The following SLC22A4 variants were observed in gnomAD, a reference collection of about 807,000 sequenced individuals.
The protein encoded by SLC22A4 is solute carrier family 22 member 4.
A neutral mutation model predicts 56.6 loss-of-function variants in SLC22A4; 39 were observed. The observed-to-expected ratio is 0.69, with a 90% CI of 0.53 to 0.90. SLC22A4 has a LOEUF of 0.90. Ranked by LOEUF, SLC22A4 falls within the 40% of genes least tolerant of loss-of-function variation. The pLI is 0.00. For missense variants in SLC22A4, 594 were observed against 696.5 expected (o/e 0.85, Z 1.66); for synonymous variants, 241 against 281.4 (o/e 0.86, Z 1.44).
intron 4 of SLC22A4, chr5:132,324,411 GGGA>G (rs1216711110): frequency 6.9e-6 from 3 of 434,086 alleles, no homozygotes; most frequent in Non-Finnish European, 1.4e-5. Context: ...CCATCCCACA[GGGA>G]GCCTGCTCAC....
At chr5:132,341,659 A>T (rs1280028050) in intron 9 of SLC22A4, among the ~76,000 whole-genome samples, 2 of 152,144 alleles carry the variant, frequency 1.3e-5, no homozygotes, top group Non-Finnish European at 2.9e-5. Flanking sequence ...TCTTTAAAAA[A>T]TGCATTGGCT....
At chr5:132,319,301 CAAAAAAAA>C (rs55756450) in intron 3 of SLC22A4, among the ~76,000 whole-genome samples, 2 of 85,526 alleles carry the variant, frequency 2.3e-5, no homozygotes, top group Non-Finnish European at 5.4e-5. Flanking sequence ...AAGTCTGTCT[CAAAAAAAA>C]AAAAAAAAAG....
chr5:132,327,626 G>A (rs1009828508), intron 5 of SLC22A4, among the ~76,000 whole-genome samples: 50 of 152,166 alleles, frequency 3.3e-4, no homozygotes, highest in Non-Finnish European at 4.1e-4. Context: ...AATAGCAAGC[G>A]TTCATTAAAT....
chr5:132,298,693 C>G (rs371041543), intron 1 of SLC22A4, among the ~76,000 whole-genome samples: 1 of 152,194 alleles, frequency 6.6e-6, no homozygotes, highest in Non-Finnish European at 1.5e-5. Context: ...AGATAATGCC[C>G]CATGCCCCAT....
At chr5:132,321,587 A>G (rs1750539324) in intron 3 of SLC22A4, among the ~76,000 whole-genome samples, 1 of 152,186 alleles carries the variant, frequency 6.6e-6, no homozygotes, top group African/African-American at 2.4e-5. Flanking sequence ...GGGGCTGGGC[A>G]TGATATTTTT....
intron 9 of SLC22A4, among the ~76,000 whole-genome samples, chr5:132,342,313 C>G (rs1751243734): frequency 2.0e-5 from 3 of 152,162 alleles, no homozygotes; most frequent in South Asian, 2.1e-4. Flanking sequence ...CAAGAACAGA[C>G]AGTTTACAGA....
intron 1 of SLC22A4, among the ~76,000 whole-genome samples, chr5:132,301,884 G>A (rs1038856785): frequency 1.3e-5 from 2 of 152,226 alleles, no homozygotes; most frequent in African/African-American, 4.8e-5. Context: ...AGACTGTCAA[G>A]ATAGCCTGAA....
At position 132,335,955 on chromosome 5, in the gene SLC22A4, G is replaced by A; in HGVS notation, c.1399G>A (p.Ala467Thr). 1 of 1,614,128 alleles carries A rather than the reference G, an allele frequency of 6.2e-7. No homozygotes were observed. The highest frequency in any genetic ancestry group is 8.5e-7 in the Non-Finnish European group (1 of 1,180,014). Reference sequence around the variant, plus strand: ...CATGGCGGTGGGGGTCACATCCACGGCCTCCAGAGTGGGCAGCATCATTGC... The same window carrying A: ...CATGGCGGTGGGGGTCACATCCACGACCTCCAGAGTGGGCAGCATCATTGC... Reference protein sequence around the residue: ...RNMAVGVTSTASRVGSIIAPY... With the variant: ...RNMAVGVTSTTSRVGSIIAPY... The change falls in exon 8 of 10, where the codon GCC (alanine) becomes ACC (threonine). Residue 467 changes from alanine to threonine, a missense_variant. By Grantham distance (58) the Ala-to-Thr change is moderately conservative. Coordinates refer to ENST00000200652, the MANE Select transcript of SLC22A4 (RefSeq NM_003059.3).
chr5:132,336,710 T>A (rs1364608267), intron 8 of SLC22A4, among the ~76,000 whole-genome samples: 1 of 152,190 alleles, frequency 6.6e-6, no homozygotes, highest in East Asian at 1.9e-4. Flanking sequence ...TTAAAATAAG[T>A]ATATGTAAGT....
At chr5:132,319,417 G>A (rs887837434) in intron 3 of SLC22A4, among the ~76,000 whole-genome samples, 1 of 152,006 alleles carries the variant, frequency 6.6e-6, no homozygotes, top group Non-Finnish European at 1.5e-5. Context: ...TGCTTTATAA[G>A]GCCAAGTCAT....
chr5:132,314,627 T>C (rs1285446301), intron 3 of SLC22A4, among the ~76,000 whole-genome samples: 1 of 152,208 alleles, frequency 6.6e-6, no homozygotes, highest in Non-Finnish European at 1.5e-5. Context: ...TCATTATTAA[T>C]AATACTCCTT....
chr5:132,312,288 G>T, intron 2 of SLC22A4, 24 bp downstream of exon 2: 1 of 1,369,834 alleles, frequency 7.3e-7, no homozygotes, highest in Non-Finnish European at 1.0e-6. Flanking sequence ...AGGGGAGGAA[G>T]GTGGGATGGT....
At chr5:132,315,880 G>A (rs985691278) in intron 3 of SLC22A4, among the ~76,000 whole-genome samples, 3 of 152,160 alleles carry the variant, frequency 2.0e-5, no homozygotes, top group Non-Finnish European at 4.4e-5. Context: ...GGGTTCTCAG[G>A]TCTGAAAGTT....
At chr5:132,297,448 A>G (rs531627862) in intron 1 of SLC22A4, among the ~76,000 whole-genome samples, 22 of 152,320 alleles carry the variant, frequency 1.4e-4, no homozygotes, top group Middle Eastern at 3.4e-3. Flanking sequence ...GGCAGCACAC[A>G]GAGTTCTGGA....
chr5:132,301,505 C>A (rs573098842), intron 1 of SLC22A4, among the ~76,000 whole-genome samples: 18 of 152,320 alleles, frequency 1.2e-4, no homozygotes, highest in African/African-American at 4.1e-4. Context: ...AGGGCCTGGA[C>A]CTCTGGTGGC....
chr5:132,335,443 T>C (rs4646200), intron 7 of SLC22A4, among the ~76,000 whole-genome samples: 11,684 of 152,270 alleles, frequency 0.077, 574 homozygotes, highest in East Asian at 0.27. Flanking sequence ...GTAATAGAAA[T>C]ACATATTTCT....
chr5:132,328,233 T>C (rs953769021), intron 5 of SLC22A4, among the ~76,000 whole-genome samples: 30 of 152,202 alleles, frequency 2.0e-4, no homozygotes, highest in Middle Eastern at 3.4e-3. Context: ...GTGGAGAGGA[T>C]GGGGCAGGGC....
chr5:132,295,303 G>T (rs1445820016), intron 1 of SLC22A4: 1 of 622,822 alleles, frequency 1.6e-6, no homozygotes, highest in Admixed American at 2.1e-5. Context: ...TAGATGTTGC[G>T]TTGGGGGAAG....
chr5:132,298,507 T>C (rs1749829224), intron 1 of SLC22A4, among the ~76,000 whole-genome samples: 1 of 152,198 alleles, frequency 6.6e-6, no homozygotes, highest in Non-Finnish European at 1.5e-5. Context: ...GAGTTTCAGT[T>C]TTGTAAGATG....
Sources: allele counts gnomAD v4.1 joint callset (sites outside exome capture counted in the v4.1 genomes callset), GRCh38; gene constraint gnomAD v4.1.1; transcripts MANE v1.5; gene names NCBI Gene and HGNC (gene_info 2026-07-23, HGNC 2026-07-21).